PLPP5: variants seen among roughly 807,000 people sequenced by gnomAD.
PLPP5 encodes diacylglycerol pyrophosphate like 1.
In PLPP5, 29 loss-of-function variants were observed where a neutral mutation model predicts 23.6. The observed-to-expected ratio is 1.23, with a 90% CI of 0.92 to 1.68. The LOEUF is 1.68. PLPP5 is among the 40% of genes most tolerant of loss of function. PLPP5 has a pLI of 0.00. For synonymous variants in PLPP5, 143 were observed against 131.3 expected (o/e 1.09, Z -0.61); for missense variants, 315 against 332.1 (o/e 0.95, Z 0.40).
At chr8:38,268,206 G>T in intron 3 of PLPP5, 165 bp downstream of exon 3, 3 of 1,068,674 alleles carry the variant, frequency 2.8e-6, no homozygotes, top group Admixed American at 2.8e-5. Context: ...CGTGTAGCCT[G>T]CGTAACCAAG....
chr8:38,268,059 G>C, intron 3 of PLPP5, 99 bp from the exon 4 acceptor site: 1 of 1,584,934 alleles, frequency 6.3e-7, no homozygotes, highest in East Asian at 2.3e-5. Context: ...GAGATGGATA[G>C]AATCCAACCA....
chr8:38,268,596 A>C (rs1242041980), intron 2 of PLPP5, 135 bp from the exon 3 acceptor site: 1 of 1,453,904 alleles, frequency 6.9e-7, no homozygotes, highest in Non-Finnish European at 9.0e-7. Context: ...ACCGGGCGCC[A>C]GGCAGCGCCA....
chr8:38,263,313 G>A lies in PLPP5; in HGVS notation c.*1131C>T. 1.2e-6 allele frequency: 1 copy of A among 857,752 alleles called. No homozygotes were observed. The highest frequency in any genetic ancestry group is 5.3e-5 in the South Asian group (1 of 18,742). 53.1% of individuals were successfully genotyped at this position (857,752 alleles called of 1,614,324 possible). On this transcript the variant is annotated 3_prime_UTR_variant, in exon 7 of 7. Transcript: ENST00000424479. The stretch of plus-strand genomic sequence containing the variant: ...CCTTATATTCCATTGTGAAGAAGGG[G>A]CAGAAAAAGATTCATCTGTCCTTCA...
rs1250681304 is a variant in PLPP5 at position 38,266,138 on chromosome 8, T to A, written c.634+3A>T. 1 of 1,613,816 alleles carries A rather than the reference T, an allele frequency of 6.2e-7. No individual in the cohort carries two copies. Among genetic ancestry groups the A allele is most frequent in the South Asian group, 1.1e-5 (1 of 91,046 alleles). ...GCTTCCATAGCCTGAGTACTTTGCT[T>A]ACCTTGCCAGTGATGCTTGTAGTCA... On this transcript the variant is annotated splice_donor_region_variant and intron_variant, in intron 6 of 6. Coordinates refer to ENST00000424479, the MANE Select transcript of PLPP5 (RefSeq NM_001102559.2).
At chr8:38,268,780 G>A in intron 2 of PLPP5, 102 bp downstream of exon 2, 9 of 1,441,338 alleles carry the variant, frequency 6.2e-6, no homozygotes, top group Admixed American at 3.0e-5. Flanking sequence ...AGCGGAGTGG[G>A]CAGTGGGTCC....
chr8:38,267,874 G>A, intron 4 of PLPP5, 23 bp downstream of exon 4: 3 of 1,611,716 alleles, frequency 1.9e-6, no homozygotes, highest in Non-Finnish European at 2.5e-6. Context: ...CAGATGCTGG[G>A]GTGGTTAGCT....
chr8:38,266,329 T>C lies in PLPP5; in HGVS notation c.464-18A>G, dbSNP rs759664256. The C allele has an allele frequency of 6.2e-7, 1 of 1,601,122 alleles. No individual in the cohort carries two copies. The highest frequency in any genetic ancestry group is 1.7e-5 in the Admixed American group (1 of 58,026). ...AAATGCAACTGGAACAAGAAAAACTTTTAAGTGGTTTGTCTTTTAAAGGAA... is the reference window on the plus strand; with the variant it reads ...AAATGCAACTGGAACAAGAAAAACTCTTAAGTGGTTTGTCTTTTAAAGGAA... On this transcript the variant is annotated intron_variant, in intron 5 of 6. Transcript: ENST00000424479.
Position 38,267,092 on chromosome 8 carries a change from A to G in PLPP5, c.463+175T>C, listed in dbSNP as rs545237511. Reference sequence around the variant, plus strand: ...GTAAACTACCTTTCTGTTCTGTAATATTTACCCAAATAGTCAAGGCTCAGA... The same window carrying G: ...GTAAACTACCTTTCTGTTCTGTAATGTTTACCCAAATAGTCAAGGCTCAGA... On this transcript the variant is annotated intron_variant, in intron 5 of 6. Coordinates refer to ENST00000424479, the MANE Select transcript of PLPP5 (RefSeq NM_001102559.2). 2.7e-6 allele frequency: 4 copies of G among 1,461,462 alleles called. No individual in the cohort carries two copies. In the South Asian group the frequency reaches 5.9e-5, roughly 21 times the overall value. The allele number at this position is 1,461,462 out of a possible 1,614,324, so 90.5% of individuals were successfully genotyped here. A position where few individuals can be genotyped will look rare whatever the true frequency, so the allele number is the denominator to read the frequency against.
rs370888222 is a variant in PLPP5 at position 38,268,406 on chromosome 8, T to C, written c.239A>G (p.Lys80Arg). The C allele has an allele frequency of 3.8e-6, 6 of 1,576,082 alleles. No individual in the cohort carries two copies. The highest frequency in any genetic ancestry group is 5.2e-6 in the Non-Finnish European group (6 of 1,160,812). The change falls in exon 3 of 7, where the codon AAG (lysine) becomes AGG (arginine). Residue 80 changes from lysine to arginine, a missense_variant. Lys to Arg is a conservative substitution (Grantham distance 26, BLOSUM62 2). Transcript: ENST00000424479. ...SLIFLAKFLK[K>R]ADTRDSRQAC... Reference sequence around the variant, plus strand: ...TTGTCTGCTGTCTCTTGTGTCTGCCTTCTTGAGAAATTTGGCCAGGAAGAT... The same window carrying C: ...TTGTCTGCTGTCTCTTGTGTCTGCCCTCTTGAGAAATTTGGCCAGGAAGAT...
chr8:38,264,702 C>T, intron 6 of PLPP5, 98 bp from the exon 7 acceptor site: 2 of 1,434,204 alleles, frequency 1.4e-6, no homozygotes, highest in East Asian at 2.5e-5. Flanking sequence ...GGATACTCTA[C>T]TGTGGGGCTA....
chr8:38,266,139 A>G lies in PLPP5; in HGVS notation c.634+2T>C, dbSNP rs745361281. 6.2e-7 allele frequency: 1 copy of G among 1,613,856 alleles called. No homozygotes were observed. On this transcript the variant is annotated splice_donor_variant, in intron 6 of 6. Coordinates refer to ENST00000424479, the MANE Select transcript of PLPP5 (RefSeq NM_001102559.2). LOFTEE classifies it high-confidence loss of function. Reference sequence around the variant, plus strand: ...CTTCCATAGCCTGAGTACTTTGCTTACCTTGCCAGTGATGCTTGTAGTCAC... The same window carrying G: ...CTTCCATAGCCTGAGTACTTTGCTTGCCTTGCCAGTGATGCTTGTAGTCAC...
Position 38,263,474 on chromosome 8 carries a change from A to G in PLPP5, c.*970T>C. On this transcript the variant is annotated 3_prime_UTR_variant, in exon 7 of 7. Transcript: ENST00000424479. ...ATGGTCAAATGAGGTAGAAACAGTC[A>G]TCTGTTAGTAGTGCTGAAACCACAC... is the stretch of plus-strand genomic sequence containing the variant. 4 of 985,354 alleles carry G rather than the reference A, an allele frequency of 4.1e-6. No homozygotes were observed. Among genetic ancestry groups the G allele is most frequent in the African/African-American group, 1.7e-5 (1 of 57,378 alleles). 61.0% of individuals were successfully genotyped at this position (985,354 alleles called of 1,614,324 possible).
At chr8:38,269,011 G>A in intron 1 of PLPP5, 21 bp from the exon 2 acceptor site, 3 of 1,562,654 alleles carry the variant, frequency 1.9e-6, no homozygotes, top group Non-Finnish European at 2.6e-6. Flanking sequence ...ACAAAGAAGC[G>A]CAGAGCAGGT....
intron 6 of PLPP5, 183 bp from the exon 7 acceptor site, chr8:38,264,787 T>A (rs186755276): frequency 2.0e-6 from 3 of 1,503,108 alleles, no homozygotes; most frequent in Non-Finnish European, 2.7e-6. Flanking sequence ...GTTACAGTAT[T>A]ATCATTGTCA....
intron 2 of PLPP5, 38 bp downstream of exon 2, chr8:38,268,844 T>A: frequency 6.6e-7 from 1 of 1,505,038 alleles, no homozygotes; most frequent in Non-Finnish European, 8.8e-7. Flanking sequence ...GGAAGCCGGG[T>A]CATGGGGAGG....
intron 6 of PLPP5, chr8:38,264,824 A>G: frequency 6.4e-7 from 1 of 1,568,086 alleles, no homozygotes; most frequent in African/African-American, 1.4e-5. Context: ...CCAAATCAAA[A>G]CACATCTTAA....
At chr8:38,267,548 G>A (rs550154473) in intron 4 of PLPP5, 157 bp from the exon 5 acceptor site, 2 of 793,308 alleles carry the variant, frequency 2.5e-6, no homozygotes, top group South Asian at 3.9e-5. Context: ...TAAGAGAAAA[G>A]CCTTTCAAGG....
In PLPP5 at chr8:38,268,392, CTCT is replaced by C; in HGVS notation, c.250_252del (p.Arg84del). On this transcript the variant is annotated inframe_deletion, in exon 3 of 7. Coordinates refer to ENST00000424479, the MANE Select transcript of PLPP5 (RefSeq NM_001102559.2). ...TCACCCAGGCAGGCTTGTCTGCTGT[CTCT>C]TGTGTCTGCCTTCTTGAGAAATTTG... is the stretch of plus-strand genomic sequence containing the variant. The C allele has an allele frequency of 6.4e-7, 1 of 1,570,956 alleles. No homozygotes were observed.
intron 6 of PLPP5, 25 bp from the exon 7 acceptor site, chr8:38,264,629 T>C: frequency 1.9e-6 from 3 of 1,564,980 alleles, no homozygotes; most frequent in Non-Finnish European, 2.6e-6. Flanking sequence ...AACAAGGTCT[T>C]CTCTTAATAT....
Sources: gnomAD v4.1 joint callset for allele counts on GRCh38, gnomAD v4.1.1 for gene constraint, MANE v1.5 for transcripts, NCBI Gene and HGNC (gene_info 2026-07-23, HGNC 2026-07-21) for gene names.